PRSS12: variants seen among roughly 807,000 people sequenced by gnomAD.
PRSS12 encodes the protein neurotrypsin.
PRSS12 carries 85 observed loss-of-function variants against 104.4 expected under a neutral mutation model. The observed-to-expected ratio is 0.81, with a 90% CI of 0.68 to 0.98. The LOEUF (loss-of-function observed/expected upper bound fraction) is 0.98. Ranked by LOEUF, PRSS12 falls within the 50% of genes least tolerant of loss-of-function variation. The pLI is 0.00. For missense variants in PRSS12, 1,141 were observed against 1,139.2 expected, an observed-to-expected ratio of 1.00 and a Z score of -0.02; for synonymous variants, 454 against 425.2, an observed-to-expected ratio of 1.07 and a Z score of -0.83.
intron 4 of PRSS12, among the ~76,000 whole-genome samples, chr4:118,330,191 A>G (rs774251646): frequency 1.4e-4 from 21 of 152,178 alleles, no homozygotes; most frequent in African/African-American, 3.9e-4. Context: ...TTTACAGTAA[A>G]GGATCAGGCT....
rs1204586969 is a variant in PRSS12 at position 118,330,907 on chromosome 4, T to C, written c.971+809A>G. On this transcript the variant is annotated intron_variant, in intron 4 of 12. Coordinates refer to ENST00000296498, the MANE Select transcript of PRSS12 (RefSeq NM_003619.4). ...AAAATTGTTCAAGGTTCAACAATCA[T>C]GCTCCAGTCAAGGATTATGGTTAAC... 4.6e-5 allele frequency among the ~76,000 whole-genome samples: 7 copies of C among 150,670 alleles called. No individual in the cohort carries two copies. The South Asian group carries it at 6.4e-4, about 14-fold the overall frequency.
intron 2 of PRSS12, among the ~76,000 whole-genome samples, chr4:118,337,156 C>T (rs553111358): frequency 6.6e-6 from 1 of 152,158 alleles, no homozygotes; most frequent in African/African-American, 2.4e-5. Flanking sequence ...CAAGAGAAAT[C>T]TGGTAAATTA....
In PRSS12 at chr4:118,314,983, C is replaced by A. The variant is rs537343147; in HGVS notation, c.1292+1199G>T. Among the ~76,000 whole-genome samples, 5 of 152,100 alleles carry A rather than the reference C, an allele frequency of 3.3e-5. No individual in the cohort carries two copies. In the East Asian group the frequency reaches 9.6e-4, roughly 29 times the overall value. ...GTGATATTTATTAACTAATTCTTAT[C>A]AATTGTCAGCATATTGTATTTATTT... On this transcript the variant is annotated intron_variant, in intron 6 of 12. Coordinates refer to ENST00000296498, the MANE Select transcript of PRSS12 (RefSeq NM_003619.4).
At chr4:118,283,320 C>T (rs1157864005) in intron 11 of PRSS12, among the ~76,000 whole-genome samples, 4 of 152,192 alleles carry the variant, frequency 2.6e-5, no homozygotes. Context: ...ATTATGTAAT[C>T]TGTTCTCCAA....
rs1289723210 is a variant in PRSS12, at chr4:118,280,281, C to T, written c.*1655G>A. Reference sequence around the variant, plus strand: ...CAGCCTGTGAGAAAGTTTCAATAGACATTTTTCTCACCTATATTGCACGTT... The same window carrying T: ...CAGCCTGTGAGAAAGTTTCAATAGATATTTTTCTCACCTATATTGCACGTT... On this transcript the variant is annotated 3_prime_UTR_variant, in exon 13 of 13. Transcript: ENST00000296498. 2.4e-4 allele frequency: 37 copies of T among 152,344 alleles called. No individual in the cohort carries two copies. The allele number at this position is 152,344 out of a possible 1,614,324, so 9.4% of individuals were successfully genotyped here.
intron 4 of PRSS12, among the ~76,000 whole-genome samples, chr4:118,328,317 T>G (rs914662425): frequency 2.0e-5 from 3 of 152,168 alleles, no homozygotes. Context: ...TACAAGTGCT[T>G]GTGGAGGATT....
At chr4:118,320,910 G>A (rs1393407604) in intron 4 of PRSS12, among the ~76,000 whole-genome samples, 1 of 152,028 alleles carries the variant, frequency 6.6e-6, no homozygotes, top group Non-Finnish European at 1.5e-5. Context: ...TATTATAGGA[G>A]GTATAGAGGA....
intron 8 of PRSS12, among the ~76,000 whole-genome samples, chr4:118,299,751 AAAAT>A (rs1424788979): frequency 0.017 from 793 of 47,790 alleles, 13 homozygotes; most frequent in African/African-American, 0.039. Context: ...TAAAATAAAT[AAAAT>A]AAATAAAATT....
At chr4:118,303,303 G>A (rs1743447082) in intron 8 of PRSS12, 1 of 151,770 alleles carries the variant, frequency 6.6e-6, no homozygotes, top group African/African-American at 2.4e-5. Context: ...AAAGTAGATG[G>A]CAGGTAGAAG....
chr4:118,303,815 A>G (rs914053255), intron 8 of PRSS12: 5 of 152,062 alleles, frequency 3.3e-5, no homozygotes, highest in Non-Finnish European at 2.9e-5. Context: ...CTCACTTCAC[A>G]AAAAGCATAT....
Position 118,335,122 on chromosome 4 carries a change from T to G in PRSS12, c.820+351A>C, listed in dbSNP as rs189178000. On this transcript the variant is annotated intron_variant, in intron 3 of 12. Transcript: ENST00000296498. Reference sequence around the variant, plus strand: ...TTGCTGTATTCTATATTTACTTTCATGATTATTTTCCAGCTTGATTCCATC... The same window carrying G: ...TTGCTGTATTCTATATTTACTTTCAGGATTATTTTCCAGCTTGATTCCATC... Among the ~76,000 whole-genome samples, 9 of 152,294 alleles carry G rather than the reference T, an allele frequency of 5.9e-5. No homozygotes were observed. In the East Asian group the frequency reaches 1.7e-3, roughly 29 times the overall value.
chr4:118,330,632 T>C (rs558064799), intron 4 of PRSS12, among the ~76,000 whole-genome samples: 5 of 152,254 alleles, frequency 3.3e-5, no homozygotes, highest in South Asian at 4.1e-4. Context: ...AAGGACACTG[T>C]AGGGGCAACT....
chr4:118,282,068 T>C lies in PRSS12; in HGVS notation c.2496A>G (p.Glu832=), dbSNP rs745865957. 10 of 1,613,984 alleles carry C rather than the reference T, an allele frequency of 6.2e-6. No homozygotes were observed. In the African/African-American group the frequency reaches 1.3e-4, roughly 22 times the overall value. Residue 832 remains glutamate, a synonymous_variant, in exon 13 of 13, where the codon GAA becomes GAG. Coordinates refer to ENST00000296498, the MANE Select transcript of PRSS12 (RefSeq NM_003619.4). ...ACACCACCCAGCTCTCTCCGGGCCGTTCACACATGAGTGGTCCTCCGCTGT... is the reference window on the plus strand; with the variant it reads ...ACACCACCCAGCTCTCTCCGGGCCGCTCACACATGAGTGGTCCTCCGCTGT... ...QGDSGGPLMC[E]RPGESWVVYG...
chr4:118,312,304 T>C (rs897189758), intron 7 of PRSS12, among the ~76,000 whole-genome samples: 6 of 152,012 alleles, frequency 3.9e-5, no homozygotes, highest in Non-Finnish European at 5.9e-5. Flanking sequence ...GTTGATTCAA[T>C]CCAAGGTTAA....
Position 118,352,593 on chromosome 4 carries a change from T to C in PRSS12, c.128A>G (p.Tyr43Cys), listed in dbSNP as rs1344681944. ...HRHSPPAGPH[Y>C]PYYLPTQQRP... ...CTGCTGGGTGGGAAGGTAATAGGGG[T>C]AGTGCGGACCCGCAGGGGGCGAATG... Residue 43 changes from tyrosine to cysteine, a missense_variant, in exon 1 of 13, where the codon TAC becomes TGC. By Grantham distance (194) the Tyr-to-Cys change is radical (BLOSUM62 -2). Transcript: ENST00000296498. The C allele has an allele frequency of 3.7e-6, 6 of 1,602,236 alleles. No homozygotes were observed. The East Asian group carries it at 1.4e-4, about 36-fold the overall frequency.
chr4:118,326,135 C>T (rs1723763231), intron 4 of PRSS12, among the ~76,000 whole-genome samples: 1 of 152,138 alleles, frequency 6.6e-6, no homozygotes, highest in South Asian at 2.1e-4. Flanking sequence ...TTAGGCCATT[C>T]TATTGTACAA....
At chr4:118,306,591 T>TGA (rs546968003) in intron 8 of PRSS12, among the ~76,000 whole-genome samples, 122 of 152,212 alleles carry the variant, frequency 8.0e-4, no homozygotes, top group African/African-American at 2.7e-3. Flanking sequence ...ACTCAGGGCA[T>TGA]GAGCTCATTT....
chr4:118,307,532 C>T (rs1743587128), intron 8 of PRSS12, among the ~76,000 whole-genome samples: 1 of 152,156 alleles, frequency 6.6e-6, no homozygotes, highest in Non-Finnish European at 1.5e-5. Context: ...TTATAACCCT[C>T]TGAATTGTAA....
In PRSS12 at chr4:118,308,576, A is replaced by C; in HGVS notation, c.1491T>G (p.Gly497=). 6.2e-7 allele frequency: 1 copy of C among 1,613,872 alleles called. No homozygotes were observed. Among genetic ancestry groups the C allele is most frequent in the Non-Finnish European group, 8.5e-7 (1 of 1,179,892 alleles). Reference sequence around the variant, plus strand: ...CTCCATCCATCAGTCTGACAGGAAAACCTAAGTCATGATTCAAAAGTATTA... The same window carrying C: ...CTCCATCCATCAGTCTGACAGGAAACCCTAAGTCATGATTCAAAAGTATTA... ...PGGEGHRLSL[G]FPVRLMDGEN... Residue 497 remains glycine, a splice_region_variant and synonymous_variant, in exon 8 of 13, where the codon GGT becomes GGG. Coordinates refer to ENST00000296498, the MANE Select transcript of PRSS12 (RefSeq NM_003619.4).
Sources: gnomAD v4.1 joint callset for allele counts (sites outside exome capture counted in the v4.1 genomes callset) on GRCh38, gnomAD v4.1.1 for gene constraint, MANE v1.5 for transcripts, NCBI Gene and HGNC (gene_info 2026-07-23, HGNC 2026-07-21) for gene names.